BPIFC: variants seen among roughly 807,000 people sequenced by gnomAD.
BPIFC encodes the protein BPI fold-containing family C protein.
Under a neutral mutation model 57.6 loss-of-function variants are expected in BPIFC, and 60 were observed. The ratio of observed to expected loss-of-function variants is 1.04; its 90% CI spans 0.85 to 1.29. BPIFC has a LOEUF of 1.29. Among genes scored for constraint, BPIFC ranks in the 50% most tolerant of loss-of-function variants. BPIFC has a pLI of 0.00. For missense variants in BPIFC, 581 were observed against 600.5 expected (o/e 0.97, Z 0.34); for synonymous variants, 243 against 224.5 (o/e 1.08, Z -0.74).
intron 1 of BPIFC, among the ~76,000 whole-genome samples, chr22:32,462,340 C>T (rs1935185936): frequency 6.6e-6 from 1 of 151,786 alleles, no homozygotes; most frequent in Admixed American, 6.6e-5. Flanking sequence ...CATGGTAAGA[C>T]CCAAATTAAT....
At chr22:32,433,620 G>C in intron 11 of BPIFC, 99 bp downstream of exon 11, 1 of 1,019,830 alleles carries the variant, frequency 9.8e-7, no homozygotes, top group South Asian at 1.4e-5. Flanking sequence ...ATAGACAGAG[G>C]GACTTATCCA....
intron 4 of BPIFC, among the ~76,000 whole-genome samples, chr22:32,450,586 C>T (rs1317420873): frequency 1.3e-5 from 2 of 151,558 alleles, no homozygotes; most frequent in African/African-American, 2.4e-5. Context: ...ATAAAAATTA[C>T]TAATGAGATA....
chr22:32,448,062 TTTTTC>T (rs1223745320), intron 4 of BPIFC, among the ~76,000 whole-genome samples: 1 of 142,146 alleles, frequency 7.0e-6, no homozygotes, highest in East Asian at 1.9e-4. Flanking sequence ...CCAGCTATTT[TTTTTC>T]TTTTTTCTTT....
chr22:32,445,744 T>G (rs1325695305), intron 6 of BPIFC, 46 bp from the exon 7 acceptor site: 1 of 1,283,704 alleles, frequency 7.8e-7, no homozygotes, highest in Admixed American at 2.4e-5. Context: ...AAGAGGTTAC[T>G]CAGAGACCAT....
Position 32,414,136 on chromosome 22 carries a change from G to T in BPIFC, c.*167C>A. The T allele has an allele frequency of 1.4e-6, 1 of 740,624 alleles. No individual in the cohort carries two copies. The highest frequency in any genetic ancestry group is 2.1e-6 in the Non-Finnish European group (1 of 469,594). 45.9% of individuals were successfully genotyped at this position (740,624 alleles called of 1,614,324 possible). ...GACACCTCTATTTATCCCTTTAACA[G>T]AGTCTGCCTTATTCTGGGTTCCTGA... On this transcript the variant is annotated 3_prime_UTR_variant, in exon 17 of 17. Transcript: ENST00000300399.
At chr22:32,436,199 G>T (rs1056277783) in intron 9 of BPIFC, among the ~76,000 whole-genome samples, 1 of 152,086 alleles carries the variant, frequency 6.6e-6, no homozygotes, top group African/African-American at 2.4e-5. Context: ...GAGGCTGAGT[G>T]AGGTGAATCC....
rs551593388 is a variant in BPIFC at position 32,437,638 on chromosome 22, G to C, written c.747+122C>G. ...ACTCCTGGCCTCAAGTGATCCACCT[G>C]CCTGGGCCTCCCAAAGTGCTGGGAT... is the stretch of plus-strand genomic sequence containing the variant. On this transcript the variant is annotated intron_variant, in intron 9 of 16. Coordinates refer to ENST00000300399, the MANE Select transcript of BPIFC (RefSeq NM_174932.3). 1,552 of 672,144 alleles carry C rather than the reference G, an allele frequency of 2.3e-3. 3 individuals are homozygous for C. The highest frequency in any genetic ancestry group is 3.4e-3 in the Non-Finnish European group (1,339 of 392,872). 41.6% of individuals were successfully genotyped at this position (672,144 alleles called of 1,614,324 possible).
Position 32,420,491 on chromosome 22 carries a change from C to T in BPIFC, c.1218-1087G>A, listed in dbSNP as rs148124751. On this transcript the variant is annotated intron_variant, in intron 13 of 16. Transcript: ENST00000300399. The stretch of plus-strand genomic sequence containing the variant: ...CACACCATTTTTTTAGCTGTTCAAT[C>T]GTTGCAGATAAGGGAAGCATTAGCT... Among the ~76,000 whole-genome samples, 1,029 of 152,218 alleles carry T rather than the reference C, an allele frequency of 6.8e-3. 5 individuals are homozygous for T. The highest frequency in any genetic ancestry group is 0.01 in the Non-Finnish European group (688 of 68,018).
chr22:32,454,304 G>A (rs1934980093), intron 3 of BPIFC, among the ~76,000 whole-genome samples: 1 of 152,166 alleles, frequency 6.6e-6, no homozygotes, highest in Non-Finnish European at 1.5e-5. Context: ...GGAAACTCCT[G>A]AACTACATGA....
rs1022176260 is a variant in BPIFC at position 32,417,402 on chromosome 22, G to T, written c.1261-254C>A. On this transcript the variant is annotated intron_variant, in intron 14 of 16. Transcript: ENST00000300399. ...TATGTTGCCCAGTCTCAAAGTCCTG[G>T]GCTCAAGCAAACCTCCAATCTTGAC... is the stretch of plus-strand genomic sequence containing the variant. Among the ~76,000 whole-genome samples, 4 of 152,048 alleles carry T rather than the reference G, an allele frequency of 2.6e-5. No homozygotes were observed. In the East Asian group the frequency reaches 7.7e-4, roughly 29 times the overall value.
At chr22:32,428,323 C>T (rs1381889264) in intron 13 of BPIFC, among the ~76,000 whole-genome samples, 23 of 151,112 alleles carry the variant, frequency 1.5e-4, no homozygotes, top group Admixed American at 1.5e-3. Flanking sequence ...GCTCTGTCGC[C>T]CAGATTGAGA....
chr22:32,417,339 C>A (rs1214833076), intron 14 of BPIFC, among the ~76,000 whole-genome samples, 191 bp from the exon 15 acceptor site: 1 of 151,928 alleles, frequency 6.6e-6, no homozygotes, highest in African/African-American at 2.4e-5. Flanking sequence ...CTACACCTGG[C>A]TAAGTTAAAA....
chr22:32,425,279 G>A (rs1398834267), intron 13 of BPIFC, among the ~76,000 whole-genome samples: 1 of 152,078 alleles, frequency 6.6e-6, no homozygotes, highest in Non-Finnish European at 1.5e-5. Context: ...CTCTAGGACC[G>A]TTCATTTAAT....
intron 13 of BPIFC, among the ~76,000 whole-genome samples, chr22:32,426,989 C>T (rs1384076022): frequency 6.6e-6 from 1 of 152,142 alleles, no homozygotes; most frequent in Non-Finnish European, 1.5e-5. Flanking sequence ...ATTATGTAGC[C>T]AGCCCTGCTC....
chr22:32,441,328 C>G (rs540394162), intron 8 of BPIFC, among the ~76,000 whole-genome samples: 2 of 152,284 alleles, frequency 1.3e-5, no homozygotes, highest in East Asian at 3.9e-4. Context: ...CTTTATTTTT[C>G]TTCTTACCAC....
chr22:32,430,293 T>G (rs1297337078), intron 13 of BPIFC, among the ~76,000 whole-genome samples: 1 of 152,120 alleles, frequency 6.6e-6, no homozygotes, highest in Non-Finnish European at 1.5e-5. Context: ...ACAGACTGGA[T>G]CACAGTCATA....
intron 3 of BPIFC, 73 bp downstream of exon 3, chr22:32,457,190 T>C: frequency 1.3e-6 from 2 of 1,512,490 alleles, no homozygotes; most frequent in Admixed American, 2.4e-5. Context: ...GCCCATGTTA[T>C]GAGCTGTTCA....
At chr22:32,423,544 C>G (rs1285067420) in intron 13 of BPIFC, among the ~76,000 whole-genome samples, 1 of 149,094 alleles carries the variant, frequency 6.7e-6, no homozygotes, top group Non-Finnish European at 1.5e-5. Context: ...TGCATTCTCT[C>G]GCTATGTTGC....
chr22:32,448,825 C>T (rs532210750), intron 4 of BPIFC, among the ~76,000 whole-genome samples: 1 of 148,426 alleles, frequency 6.7e-6, no homozygotes, highest in East Asian at 2.0e-4. Flanking sequence ...GTAGTCCCAG[C>T]TACTTGGGAG....
Sources: gnomAD v4.1 joint callset for allele counts (sites outside exome capture counted in the v4.1 genomes callset) on GRCh38, gnomAD v4.1.1 for gene constraint, MANE v1.5 for transcripts, NCBI Gene and HGNC (gene_info 2026-07-23, HGNC 2026-07-21) for gene names.